NPAS3: variants seen among roughly 807,000 people sequenced by gnomAD.
NPAS3 encodes neuronal PAS domain protein 3.
NPAS3 carries 14 observed loss-of-function variants against 73.1 expected under a neutral mutation model. The ratio of observed to expected loss-of-function variants is 0.19; its 90% CI spans 0.13 to 0.30. The LOEUF (loss-of-function observed/expected upper bound fraction) is 0.30, where lower values mean the gene tolerates loss of function less well. NPAS3 is among the 10% of genes least tolerant of loss of function. The probability of loss-of-function intolerance (pLI) is 1.00; values close to 1 mark genes in which losing one functional copy is unlikely to be tolerated. For synonymous variants in NPAS3, 620 were observed against 541.5 expected, an observed-to-expected ratio of 1.14 and a Z score of -2.01; for missense variants, 1,096 against 1,250.0, an observed-to-expected ratio of 0.88 and a Z score of 1.86.
intron 4 of NPAS3, among the ~76,000 whole-genome samples, chr14:33,383,532 T>C (rs1252196922): frequency 6.6e-6 from 1 of 152,150 alleles, no homozygotes; most frequent in Non-Finnish European, 1.5e-5. Flanking sequence ...CAAGGGGTCA[T>C]TAAAGAAAAC....
At chr14:33,624,201 A>T (rs189973792) in intron 5 of NPAS3, among the ~76,000 whole-genome samples, 40 of 152,200 alleles carry the variant, frequency 2.6e-4, no homozygotes, top group Admixed American at 1.8e-3. Flanking sequence ...TGGGATGGGG[A>T]AACTTTGTTT....
At chr14:33,543,964 T>TCAGG (rs2054641460) in intron 4 of NPAS3, among the ~76,000 whole-genome samples, 1 of 26,944 alleles carries the variant, frequency 3.7e-5, no homozygotes, top group African/African-American at 4.1e-4. Flanking sequence ...TATATATATA[T>TCAGG]ATATATATAT....
rs1566643312 is a variant in NPAS3, at chr14:33,177,659, A to AG, written c.141-37523_141-37522insG. 2.8e-3 allele frequency among the ~76,000 whole-genome samples: 424 copies of AG among 152,260 alleles called. 2 individuals are homozygous for AG. The highest frequency in any genetic ancestry group is 9.7e-3 in the African/African-American group (404 of 41,556). On this transcript the variant is annotated intron_variant, in intron 2 of 11. Transcript: ENST00000356141. ...AATTTTATAGTTTTAGCATTGATCC[A>AG]TTTTACATTCAATTTTGTAATTGCT... is the stretch of plus-strand genomic sequence containing the variant.
chr14:33,026,655 C>T (rs531534987), intron 1 of NPAS3, among the ~76,000 whole-genome samples: 1 of 152,132 alleles, frequency 6.6e-6, no homozygotes, highest in South Asian at 2.1e-4. Context: ...TTCTTCCTAA[C>T]AGTGAATTTA....
At chr14:33,571,683 T>G (rs1405428096) in intron 5 of NPAS3, among the ~76,000 whole-genome samples, 1 of 152,242 alleles carries the variant, frequency 6.6e-6, no homozygotes, top group Non-Finnish European at 1.5e-5. Flanking sequence ...AATTGCCTGC[T>G]AAGACTGCTT....
chr14:33,528,276 A>G (rs1234050669), intron 4 of NPAS3, among the ~76,000 whole-genome samples: 1 of 151,834 alleles, frequency 6.6e-6, no homozygotes, highest in Non-Finnish European at 1.5e-5. Flanking sequence ...CTTTGCTACC[A>G]AGCTGCACAT....
intron 3 of NPAS3, among the ~76,000 whole-genome samples, chr14:33,315,286 CTTTG>C (rs774260601): frequency 1.9e-4 from 29 of 152,080 alleles, no homozygotes; most frequent in Non-Finnish European, 3.1e-4. Context: ...GAATAAAGAT[CTTTG>C]TTTGCCAAAA....
chr14:33,326,723 G>T (rs1053486186), intron 3 of NPAS3, among the ~76,000 whole-genome samples: 17 of 152,206 alleles, frequency 1.1e-4, no homozygotes, highest in African/African-American at 4.1e-4. Context: ...CCCAAGAGAC[G>T]TGGGCAATGG....
intron 2 of NPAS3, among the ~76,000 whole-genome samples, chr14:33,101,990 G>T (rs1228376923): frequency 1.3e-5 from 2 of 152,042 alleles, no homozygotes; most frequent in African/African-American, 4.8e-5. Flanking sequence ...TACTCATGTT[G>T]CATCAGGCAG....
At chr14:33,445,872 G>T (rs1424711774) in intron 4 of NPAS3, among the ~76,000 whole-genome samples, 2 of 151,418 alleles carry the variant, frequency 1.3e-5, no homozygotes, top group Non-Finnish European at 2.9e-5. Context: ...TCTCTGGAGG[G>T]TACACAGGGA....
At chr14:33,550,822 C>T (rs1163631677) in intron 4 of NPAS3, among the ~76,000 whole-genome samples, 3 of 152,104 alleles carry the variant, frequency 2.0e-5, no homozygotes, top group East Asian at 1.9e-4. Context: ...AGCCTCTAAG[C>T]GTCTGGAATT....
chr14:33,261,478 AAGAT>A (rs1440624316), intron 3 of NPAS3, among the ~76,000 whole-genome samples: 2 of 152,110 alleles, frequency 1.3e-5, no homozygotes, highest in African/African-American at 2.4e-5. Context: ...ATATATTTAA[AAGAT>A]AGTAACTCTT....
At chr14:33,230,642 A>T (rs1445861674) in intron 3 of NPAS3, among the ~76,000 whole-genome samples, 1 of 152,248 alleles carries the variant, frequency 6.6e-6, no homozygotes, top group Non-Finnish European at 1.5e-5. Context: ...CACGGAGCAG[A>T]GAAGACCATA....
intron 2 of NPAS3, among the ~76,000 whole-genome samples, chr14:33,202,861 C>G (rs546093437): frequency 6.6e-6 from 1 of 152,130 alleles, no homozygotes; most frequent in African/African-American, 2.4e-5. Context: ...TGTTTAAGCT[C>G]AGGGCAGCTT....
At chr14:33,046,599 A>G (rs2040514889) in intron 1 of NPAS3, among the ~76,000 whole-genome samples, 1 of 152,170 alleles carries the variant, frequency 6.6e-6, no homozygotes, top group African/African-American at 2.4e-5. Context: ...GATGGAAGGG[A>G]AGAATCAAGG....
At chr14:33,644,725 A>G (rs908769989) in intron 5 of NPAS3, among the ~76,000 whole-genome samples, 1 of 152,172 alleles carries the variant, frequency 6.6e-6, no homozygotes, top group Admixed American at 6.5e-5. Flanking sequence ...CCGTTTTTGC[A>G]TCATGGATTT....
intron 5 of NPAS3, among the ~76,000 whole-genome samples, chr14:33,608,128 T>G (rs1355179635): frequency 6.6e-6 from 1 of 152,180 alleles, no homozygotes; most frequent in African/African-American, 2.4e-5. Context: ...TTAGAAAAAT[T>G]GAACATTTTA....
chr14:33,442,108 A>G (rs1404983602), intron 4 of NPAS3, among the ~76,000 whole-genome samples: 1 of 152,196 alleles, frequency 6.6e-6, no homozygotes, highest in Non-Finnish European at 1.5e-5. Context: ...CAGTGTACCA[A>G]TATTCTTATG....
intron 3 of NPAS3, among the ~76,000 whole-genome samples, chr14:33,352,315 C>T (rs762606656): frequency 2.0e-5 from 3 of 152,184 alleles, no homozygotes; most frequent in Non-Finnish European, 4.4e-5. Flanking sequence ...TCATATACAC[C>T]ACTTTGGTGA....
Sources: allele counts gnomAD v4.1 joint callset (sites outside exome capture counted in the v4.1 genomes callset), GRCh38; gene constraint gnomAD v4.1.1; transcripts MANE v1.5; gene names NCBI Gene and HGNC (gene_info 2026-07-23, HGNC 2026-07-21).